TMEM178B: variants seen among roughly 807,000 people sequenced by gnomAD.
The protein encoded by TMEM178B is transmembrane protein 178B.
A neutral mutation model predicts 31.0 loss-of-function variants in TMEM178B; 5 were observed. The ratio of observed to expected loss-of-function variants is 0.16; its 90% CI spans 0.08 to 0.34. The LOEUF (loss-of-function observed/expected upper bound fraction) is 0.34, where lower values mean the gene tolerates loss of function less well. Among genes scored for constraint, TMEM178B ranks in the 10% least tolerant of loss-of-function variants. The probability of loss-of-function intolerance (pLI) is 1.00; values close to 1 mark genes in which losing one functional copy is unlikely to be tolerated. For missense variants in TMEM178B, 275 were observed against 400.3 expected, an observed-to-expected ratio of 0.69 and a Z score of 2.67; for synonymous variants, 164 against 164.0, an observed-to-expected ratio of 1.00 and a Z score of 0.00.
At chr7:141,300,250 C>T (rs374642292) in intron 2 of TMEM178B, among the ~76,000 whole-genome samples, 1 of 152,334 alleles carries the variant, frequency 6.6e-6, no homozygotes, top group Admixed American at 6.5e-5. Context: ...TCTGTTGCCA[C>T]CGTTGCCTGC....
intron 1 of TMEM178B, among the ~76,000 whole-genome samples, chr7:141,100,205 ATCTT>A (rs1166206665): frequency 2.1e-4 from 31 of 148,710 alleles, no homozygotes; most frequent in African/African-American, 7.6e-4. Flanking sequence ...CATCTGTAAC[ATCTT>A]TTTTTTTTTT....
At chr7:141,403,464 G>A (rs1306108082) in intron 2 of TMEM178B, among the ~76,000 whole-genome samples, 3 of 152,160 alleles carry the variant, frequency 2.0e-5, no homozygotes, top group Non-Finnish European at 4.4e-5. Flanking sequence ...AGCTCCCAAC[G>A]GCTCAGCCCC....
At chr7:141,243,520 G>A (rs535787762) in intron 2 of TMEM178B, among the ~76,000 whole-genome samples, 2 of 152,238 alleles carry the variant, frequency 1.3e-5, no homozygotes, top group South Asian at 2.1e-4. Flanking sequence ...ACGGAGACTG[G>A]AGGAAGGGGA....
chr7:141,362,433 C>T (rs1181216664), intron 2 of TMEM178B, among the ~76,000 whole-genome samples: 1 of 152,168 alleles, frequency 6.6e-6, no homozygotes, highest in Admixed American at 6.5e-5. Context: ...AAAATGCTGT[C>T]CCCATGGTGC....
intron 1 of TMEM178B, among the ~76,000 whole-genome samples, chr7:141,101,481 A>G (rs1204605013): frequency 6.6e-6 from 1 of 152,252 alleles, no homozygotes; most frequent in Non-Finnish European, 1.5e-5. Flanking sequence ...TCTCTGGTAC[A>G]GGTTAAGACG....
At chr7:141,311,942 C>A (rs1026904235) in intron 2 of TMEM178B, among the ~76,000 whole-genome samples, 1 of 152,136 alleles carries the variant, frequency 6.6e-6, no homozygotes, top group Non-Finnish European at 1.5e-5. Flanking sequence ...AGGGATGCAT[C>A]CCCAAAGAAT....
chr7:141,464,117 C>T (rs527844202), intron 3 of TMEM178B, among the ~76,000 whole-genome samples: 3 of 152,180 alleles, frequency 2.0e-5, no homozygotes, highest in South Asian at 2.1e-4. Flanking sequence ...GTGTTGTCTG[C>T]GAGCATGCCG....
intron 1 of TMEM178B, among the ~76,000 whole-genome samples, chr7:141,181,003 C>G (rs1796519226): frequency 6.6e-6 from 1 of 152,162 alleles, no homozygotes; most frequent in Admixed American, 6.5e-5. Context: ...CACCCATCCA[C>G]CCATCTGTCA....
intron 1 of TMEM178B, among the ~76,000 whole-genome samples, chr7:141,167,629 C>T (rs968945100): frequency 6.6e-6 from 1 of 152,230 alleles, no homozygotes; most frequent in Non-Finnish European, 1.5e-5. Context: ...TCACAAAGGG[C>T]TTCCCTTCAA....
At chr7:141,187,834 G>A (rs1257718035) in intron 1 of TMEM178B, among the ~76,000 whole-genome samples, 2 of 152,080 alleles carry the variant, frequency 1.3e-5, no homozygotes, top group Non-Finnish European at 2.9e-5. Flanking sequence ...TGTAGATTCT[G>A]GATATTAGCC....
chr7:141,214,924 G>C (rs1237841917), intron 2 of TMEM178B, among the ~76,000 whole-genome samples: 1 of 152,140 alleles, frequency 6.6e-6, no homozygotes, highest in Non-Finnish European at 1.5e-5. Context: ...GGATTCATCT[G>C]CCTCTTTCAC....
At chr7:141,502,471 A>T in the TMEM178B span, among the ~76,000 whole-genome samples, 3 of 152,220 alleles carry the variant, frequency 2.0e-5, no homozygotes, top group Admixed American at 2.0e-4. Flanking sequence ...CATCAGGAAG[A>T]CATATAAGAA....
chr7:141,396,593 G>A (rs1396577490), intron 2 of TMEM178B, among the ~76,000 whole-genome samples: 1 of 152,216 alleles, frequency 6.6e-6, no homozygotes, highest in African/African-American at 2.4e-5. Flanking sequence ...CGCTTGGGCT[G>A]ACCACTGCCT....
In TMEM178B at chr7:141,476,662, C is replaced by T. The variant is rs1197805668; in HGVS notation, c.*5876C>T. ...AAGGAAGCCCTTTAGATGGTACATT[C>T]ACTAAGACGTGTCTGGGTGTGATCC... On this transcript the variant is annotated 3_prime_UTR_variant, in exon 4 of 4. Coordinates refer to ENST00000565468, the MANE Select transcript of TMEM178B (RefSeq NM_001195278.2). 1 of 152,182 alleles carries T rather than the reference C, an allele frequency of 6.6e-6. No individual in the cohort carries two copies. Among genetic ancestry groups the T allele is most frequent in the Non-Finnish European group, 1.5e-5 (1 of 68,042 alleles). 9.4% of individuals were successfully genotyped at this position (152,182 alleles called of 1,614,324 possible).
At chr7:141,136,634 T>G (rs1416117426) in intron 1 of TMEM178B, among the ~76,000 whole-genome samples, 1 of 152,104 alleles carries the variant, frequency 6.6e-6, no homozygotes, top group African/African-American at 2.4e-5. Context: ...CAGCAAGGGA[T>G]TAATATCCAG....
intron 2 of TMEM178B, among the ~76,000 whole-genome samples, chr7:141,385,007 T>C (rs367816769): frequency 9.2e-4 from 140 of 152,336 alleles, no homozygotes; most frequent in African/African-American, 3.2e-3. Flanking sequence ...TTCTTTGTTC[T>C]TAGATAAACC....
At chr7:141,225,783 A>G (rs1797332427) in intron 2 of TMEM178B, among the ~76,000 whole-genome samples, 1 of 152,158 alleles carries the variant, frequency 6.6e-6, no homozygotes, top group Non-Finnish European at 1.5e-5. Context: ...CCTTGTAGCC[A>G]GCCCCTGATA....
At chr7:141,388,079 A>G (rs1800467524) in intron 2 of TMEM178B, among the ~76,000 whole-genome samples, 1 of 152,168 alleles carries the variant, frequency 6.6e-6, no homozygotes, top group African/African-American at 2.4e-5. Context: ...ACCGCAGATG[A>G]CATTATACGA....
At chr7:141,249,572 G>T (rs1163714384) in intron 2 of TMEM178B, among the ~76,000 whole-genome samples, 1 of 152,194 alleles carries the variant, frequency 6.6e-6, no homozygotes, top group Non-Finnish European at 1.5e-5. Flanking sequence ...GCAGAAGAAG[G>T]CCCAGTTCAG....
Sources: gnomAD v4.1 joint callset for allele counts (sites outside exome capture counted in the v4.1 genomes callset) on GRCh38, gnomAD v4.1.1 for gene constraint, MANE v1.5 for transcripts, NCBI Gene and HGNC (gene_info 2026-07-23, HGNC 2026-07-21) for gene names.